The following MACO1 variants were observed in gnomAD, a reference collection of about 807,000 sequenced individuals.
MACO1 encodes macoilin.
MACO1 carries 14 observed loss-of-function variants against 78.7 expected under a neutral mutation model. The observed-to-expected ratio is 0.18, with a 90% CI of 0.12 to 0.28. The LOEUF (loss-of-function observed/expected upper bound fraction) is 0.28, where lower values mean the gene tolerates loss of function less well. MACO1 is among the 10% of genes least tolerant of loss of function. MACO1 has a pLI of 1.00. For missense variants in MACO1, 501 were observed against 799.0 expected, an observed-to-expected ratio of 0.63 and a Z score of 4.50; for synonymous variants, 288 against 291.6, an observed-to-expected ratio of 0.99 and a Z score of 0.12.
At chr1:25,450,494 C>T (rs1053176646) in intron 3 of MACO1, among the ~76,000 whole-genome samples, 1 of 152,014 alleles carries the variant, frequency 6.6e-6, no homozygotes, top group Non-Finnish European at 1.5e-5. Flanking sequence ...GATTCTTGGG[C>T]CTAGCTACAA....
intron 6 of MACO1, among the ~76,000 whole-genome samples, chr1:25,480,928 AAAT>A (rs1352796681): frequency 1.1e-4 from 3 of 26,900 alleles, no homozygotes; most frequent in Admixed American, 4.8e-4. Flanking sequence ...AAAAAAAAAA[AAAT>A]ATATATATAT....
intron 6 of MACO1, among the ~76,000 whole-genome samples, chr1:25,475,287 G>A (rs1463847665): frequency 1.3e-5 from 2 of 152,178 alleles, no homozygotes. Context: ...AGAGCTTGCA[G>A]TGAGCCAAGA....
intron 1 of MACO1, among the ~76,000 whole-genome samples, chr1:25,437,583 T>G (rs189074578): frequency 6.7e-4 from 102 of 152,236 alleles, no homozygotes; most frequent in Non-Finnish European, 1.0e-3. Context: ...GATTCCTGTC[T>G]CAGAAAAGAG....
intron 1 of MACO1, among the ~76,000 whole-genome samples, chr1:25,438,484 C>G (rs1208096444): frequency 6.6e-6 from 1 of 152,140 alleles, no homozygotes. Flanking sequence ...GAATAGAGAA[C>G]TAAAAAGCTG....
At position 25,479,387 on chromosome 1, in the gene MACO1, A is replaced by G. The variant is rs566691172; in HGVS notation, c.1155-4729A>G. 2.0e-4 allele frequency among the ~76,000 whole-genome samples: 31 copies of G among 152,240 alleles called. No homozygotes were observed. In the South Asian group the frequency reaches 4.6e-3, roughly 22 times the overall value. ...TAATAAATGCTTCTAGCACTCAACT[A>G]TCTTGATTCAGTTCAATTTGCTAAC... On this transcript the variant is annotated intron_variant, in intron 6 of 10. Transcript: ENST00000374343.
chr1:25,491,646 C>A, intron 10 of MACO1, 62 bp downstream of exon 10: 1 of 1,465,320 alleles, frequency 6.8e-7, no homozygotes, highest in Non-Finnish European at 9.5e-7. Flanking sequence ...ATGCACAGGC[C>A]AGACCTCTCC....
At chr1:25,476,331 C>T (rs2043321488) in intron 6 of MACO1, among the ~76,000 whole-genome samples, 1 of 152,190 alleles carries the variant, frequency 6.6e-6, no homozygotes, top group African/African-American at 2.4e-5. Flanking sequence ...AACATGGCTT[C>T]ACCTAGTAAT....
intron 6 of MACO1, among the ~76,000 whole-genome samples, chr1:25,473,129 C>T (rs555093983): frequency 4.6e-4 from 70 of 151,986 alleles, no homozygotes; most frequent in Non-Finnish European, 6.0e-4. Flanking sequence ...TATACTTTGT[C>T]GGACCTGATT....
At chr1:25,441,196 T>C (rs1225104717) in intron 1 of MACO1, among the ~76,000 whole-genome samples, 1 of 144,984 alleles carries the variant, frequency 6.9e-6, no homozygotes, top group East Asian at 2.0e-4. Flanking sequence ...TCATTCAACA[T>C]TTTTTTTTTT....
At chr1:25,482,298 CA>C (rs1459927801) in intron 6 of MACO1, among the ~76,000 whole-genome samples, 11 of 152,254 alleles carry the variant, frequency 7.2e-5, no homozygotes, top group African/African-American at 2.2e-4. Flanking sequence ...GTAATAACTA[CA>C]AAATTATTGA....
At chr1:25,451,950 GAAAA>G (rs979858786) in intron 3 of MACO1, among the ~76,000 whole-genome samples, 4 of 142,274 alleles carry the variant, frequency 2.8e-5, no homozygotes, top group Non-Finnish European at 3.1e-5. Context: ...AAAGAAAAAA[GAAAA>G]AAAAAAGAAA....
intron 6 of MACO1, among the ~76,000 whole-genome samples, chr1:25,467,640 G>A (rs1156584798): frequency 6.6e-6 from 1 of 151,486 alleles, no homozygotes; most frequent in Non-Finnish European, 1.5e-5. Flanking sequence ...TAGTTGAATT[G>A]TATCTGGTAT....
intron 3 of MACO1, among the ~76,000 whole-genome samples, chr1:25,452,346 C>G (rs959739900): frequency 6.6e-6 from 1 of 152,128 alleles, no homozygotes; most frequent in African/African-American, 2.4e-5. Flanking sequence ...ACCTAGCCTG[C>G]AGATTTTGAT....
chr1:25,474,436 T>C (rs2043301721), intron 6 of MACO1, among the ~76,000 whole-genome samples: 1 of 152,234 alleles, frequency 6.6e-6, no homozygotes, highest in African/African-American at 2.4e-5. Context: ...AGGGAATACC[T>C]GGTAAATCCT....
intron 6 of MACO1, among the ~76,000 whole-genome samples, chr1:25,481,892 C>T (rs961591762): frequency 3.9e-5 from 6 of 152,196 alleles, no homozygotes; most frequent in Non-Finnish European, 7.3e-5. Flanking sequence ...GGAGGACTGG[C>T]TACTTGCACC....
chr1:25,492,206 G>A (rs887063218), intron 10 of MACO1, among the ~76,000 whole-genome samples: 1 of 152,282 alleles, frequency 6.6e-6, no homozygotes, highest in Middle Eastern at 3.4e-3. Context: ...CTACTTGGCC[G>A]ATATTTACTG....
At chr1:25,479,942 G>A (rs1347056735) in intron 6 of MACO1, among the ~76,000 whole-genome samples, 1 of 151,984 alleles carries the variant, frequency 6.6e-6, no homozygotes, top group African/African-American at 2.4e-5. Flanking sequence ...CGAAGAAATA[G>A]AAAAAAACAT....
chr1:25,451,837 C>CA (rs1475138234), intron 3 of MACO1, among the ~76,000 whole-genome samples: 5 of 151,338 alleles, frequency 3.3e-5, no homozygotes, highest in Admixed American at 3.3e-4. Flanking sequence ...ACCCAGGAGG[C>CA]AGAGGTTGCA....
intron 6 of MACO1, among the ~76,000 whole-genome samples, chr1:25,461,647 C>T (rs2043173535): frequency 6.6e-6 from 1 of 152,000 alleles, no homozygotes; most frequent in Non-Finnish European, 1.5e-5. Context: ...ATGGTCCATC[C>T]ATTTGATAAA....
Sources: allele counts gnomAD v4.1 joint callset (sites outside exome capture counted in the v4.1 genomes callset), GRCh38; gene constraint gnomAD v4.1.1; transcripts MANE v1.5; gene names NCBI Gene and HGNC (gene_info 2026-07-23, HGNC 2026-07-21).